Variants in PLXNA4 observed in about 807,000 individuals in gnomAD.
The protein encoded by PLXNA4 is plexin-A4.
A neutral mutation model predicts 191.8 loss-of-function variants in PLXNA4; 44 were observed. The observed-to-expected ratio is 0.23, with a 90% CI of 0.18 to 0.29. PLXNA4 has a LOEUF of 0.29. PLXNA4 is among the 10% of genes least tolerant of loss of function. The pLI, the probability that PLXNA4 is intolerant of heterozygous loss-of-function variation, is 1.00. For synonymous variants in PLXNA4, 1,082 were observed against 1,009.5 expected, an observed-to-expected ratio of 1.07 and a Z score of -1.36; for missense variants, 1,800 against 2,488.8, an observed-to-expected ratio of 0.72 and a Z score of 5.89.
intron 1 of PLXNA4, among the ~76,000 whole-genome samples, chr7:132,509,110 G>A (rs1454151262): frequency 2.6e-5 from 4 of 151,346 alleles, no homozygotes; most frequent in African/African-American, 4.9e-5. Context: ...ACTGTCACCC[G>A]GGTCAGGTGC....
At chr7:132,496,926 T>C (rs1798040759) in intron 2 of PLXNA4, among the ~76,000 whole-genome samples, 1 of 152,174 alleles carries the variant, frequency 6.6e-6, no homozygotes, top group South Asian at 2.1e-4. Context: ...CTGGGCTTCT[T>C]CCTTTCCTGG....
At position 132,425,228 on chromosome 7, in the gene PLXNA4, A is replaced by G. The variant is rs577419025; in HGVS notation, c.1371+64064T>C. Among the ~76,000 whole-genome samples, 39 of 152,220 alleles carry G rather than the reference A, an allele frequency of 2.6e-4. No individual in the cohort carries two copies. The South Asian group carries it at 6.8e-3, about 27-fold the overall frequency. The stretch of plus-strand genomic sequence containing the variant: ...TTTTTCTCCTCCTTCCAGAGTGCAG[A>G]CCAATTAGCATTTTTTAAATTACCA... On this transcript the variant is annotated intron_variant, in intron 3 of 31. Coordinates refer to ENST00000321063, the MANE Select transcript of PLXNA4 (RefSeq NM_020911.2).
At chr7:132,493,614 G>C (rs1797888203) in intron 2 of PLXNA4, among the ~76,000 whole-genome samples, 1 of 152,124 alleles carries the variant, frequency 6.6e-6, no homozygotes, top group Non-Finnish European at 1.5e-5. Context: ...AAGGACAGGG[G>C]CCACGTTTTA....
intron 4 of PLXNA4, among the ~76,000 whole-genome samples, chr7:132,294,784 G>T (rs1196918875): frequency 1.3e-5 from 2 of 152,130 alleles, no homozygotes; most frequent in Non-Finnish European, 2.9e-5. Flanking sequence ...AATCCAATTT[G>T]ACTGGTGCTC....
chr7:132,449,252 C>A (rs1281881585), intron 3 of PLXNA4, among the ~76,000 whole-genome samples: 1 of 152,216 alleles, frequency 6.6e-6, no homozygotes, highest in African/African-American at 2.4e-5. Flanking sequence ...TTCTCCTGGC[C>A]TCTTACTCAG....
At chr7:132,319,616 G>A (rs1245408572) in intron 3 of PLXNA4, among the ~76,000 whole-genome samples, 2 of 152,186 alleles carry the variant, frequency 1.3e-5, no homozygotes, top group Non-Finnish European at 2.9e-5. Flanking sequence ...CCTCTACCAT[G>A]AAGTTTTGGC....
intron 15 of PLXNA4, among the ~76,000 whole-genome samples, 195 bp from the exon 16 acceptor site, chr7:132,185,658 T>G (rs1233731759): frequency 6.6e-6 from 1 of 152,356 alleles, no homozygotes; most frequent in East Asian, 1.9e-4. Flanking sequence ...CTCTGAGCCT[T>G]CTTTTCAAAT....
At chr7:132,541,483 G>A (rs896648230) in intron 1 of PLXNA4, among the ~76,000 whole-genome samples, 1 of 152,252 alleles carries the variant, frequency 6.6e-6, no homozygotes, top group Non-Finnish European at 1.5e-5. Context: ...TGATGGAAGA[G>A]AGACGGCTTG....
chr7:132,417,508 A>C (rs767774057), intron 3 of PLXNA4, among the ~76,000 whole-genome samples: 5 of 152,216 alleles, frequency 3.3e-5, no homozygotes, highest in Non-Finnish European at 7.3e-5. Context: ...GTAATGCTTT[A>C]GTTCACAAAT....
chr7:132,367,971 T>C (rs1010494277), intron 3 of PLXNA4: 2 of 152,264 alleles, frequency 1.3e-5, no homozygotes, highest in East Asian at 3.9e-4. Context: ...CGAAGCCCTC[T>C]CTCTTCCAAC....
At chr7:132,466,801 CCT>C (rs1287815717) in intron 3 of PLXNA4, among the ~76,000 whole-genome samples, 1 of 152,186 alleles carries the variant, frequency 6.6e-6, no homozygotes, top group Non-Finnish European at 1.5e-5. Context: ...AAGTTCTCCC[CCT>C]GTGTTCTTTT....
intron 5 of PLXNA4, among the ~76,000 whole-genome samples, chr7:132,231,911 A>G (rs768372443): frequency 1.7e-4 from 26 of 152,194 alleles, no homozygotes; most frequent in Non-Finnish European, 3.4e-4. Context: ...GGTATTGAGA[A>G]CTCAGCTATC....
intron 3 of PLXNA4, among the ~76,000 whole-genome samples, chr7:132,425,401 G>A (rs1189201281): frequency 1.3e-5 from 2 of 152,152 alleles, no homozygotes; most frequent in South Asian, 4.1e-4. Flanking sequence ...GTAAGAGACC[G>A]ATTTTATGAC....
intron 1 of PLXNA4, among the ~76,000 whole-genome samples, chr7:132,563,862 CCT>C (rs1563177046): frequency 2.5e-5 from 3 of 119,400 alleles, no homozygotes; most frequent in South Asian, 3.6e-4. Flanking sequence ...TCCTCCTCCT[CCT>C]CTCCTCTTCC....
At chr7:132,175,423 CAGCTCATCAG>C (rs2116700164) in intron 20 of PLXNA4, among the ~76,000 whole-genome samples, 1 of 152,330 alleles carries the variant, frequency 6.6e-6, no homozygotes, top group African/African-American at 2.4e-5. Flanking sequence ...CTGGACCATG[CAGCTCATCAG>C]AGCCATCAAA....
chr7:132,342,345 TA>T (rs1803062380), intron 3 of PLXNA4, among the ~76,000 whole-genome samples: 1 of 151,340 alleles, frequency 6.6e-6, no homozygotes, highest in African/African-American at 2.4e-5. Context: ...CTTAGTCCAA[TA>T]AAGGTTCTGT....
chr7:132,471,531 C>A (rs934385465), intron 3 of PLXNA4, among the ~76,000 whole-genome samples: 5 of 152,148 alleles, frequency 3.3e-5, no homozygotes, highest in Non-Finnish European at 7.3e-5. Context: ...TTACTCCCAG[C>A]GATCACCTTG....
At chr7:132,200,085 C>T (rs1049647984) in intron 12 of PLXNA4, among the ~76,000 whole-genome samples, 2 of 152,212 alleles carry the variant, frequency 1.3e-5, no homozygotes, top group African/African-American at 4.8e-5. Flanking sequence ...TATTCTAGCC[C>T]TGGCTTGTCA....
At chr7:132,410,378 T>G (rs1183773216) in intron 3 of PLXNA4, among the ~76,000 whole-genome samples, 1 of 152,184 alleles carries the variant, frequency 6.6e-6, no homozygotes. Context: ...ACACTTTTCC[T>G]GACTTCGCCC....
Sources: gnomAD v4.1 joint callset for allele counts (sites outside exome capture counted in the v4.1 genomes callset) on GRCh38, gnomAD v4.1.1 for gene constraint, MANE v1.5 for transcripts, NCBI Gene and HGNC (gene_info 2026-07-23, HGNC 2026-07-21) for gene names.